Variants in PCDHGA12 observed in about 807,000 individuals in gnomAD.
The protein encoded by PCDHGA12 is protocadherin gamma-A12.
In PCDHGA12, 43 loss-of-function variants were observed where a neutral mutation model predicts 61.1. That is an observed-to-expected ratio of 0.70 (90% CI 0.55 to 0.91). The LOEUF is 0.91. PCDHGA12 is among the 40% of genes least tolerant of loss of function. The probability of loss-of-function intolerance (pLI) is 0.00; values close to 1 mark genes in which losing one functional copy is unlikely to be tolerated. For missense variants in PCDHGA12, 1,236 were observed against 1,227.7 expected (o/e 1.01, Z -0.10); for synonymous variants, 520 against 542.9 (o/e 0.96, Z 0.59).
chr5:141,444,551 G>A (rs758187608), intron 1 of PCDHGA12, among the ~76,000 whole-genome samples: 1 of 152,022 alleles, frequency 6.6e-6, no homozygotes, highest in Non-Finnish European at 1.5e-5. Context: ...TGAGCAAAAG[G>A]CACTTATTTG....
In PCDHGA12 at chr5:141,476,966, G is replaced by C. The variant is rs780645226; in HGVS notation, c.2425-17841G>C. The C allele has an allele frequency of 1.2e-6, 2 of 1,614,152 alleles. No homozygotes were observed. Among genetic ancestry groups the C allele is most frequent in the Non-Finnish European group, 1.7e-6 (2 of 1,180,032 alleles). On this transcript the variant is annotated intron_variant, in intron 1 of 3. Coordinates refer to ENST00000252085, the MANE Select transcript of PCDHGA12 (RefSeq NM_003735.3). This position sits in a 1 kb window ranked among gnomAD's most constrained non-coding sequence, Gnocchi z 7.6. ...CAACGGTGAAATTATTTACTCCTTCGGCAGCCACAACCGCGCCGGCGTGCG... is the reference window on the plus strand; with the variant it reads ...CAACGGTGAAATTATTTACTCCTTCCGCAGCCACAACCGCGCCGGCGTGCG...
rs2099699514 is a variant in PCDHGA12 at position 141,490,385 on chromosome 5, A to G, written c.2425-4422A>G. 1 of 1,614,190 alleles carries G rather than the reference A, an allele frequency of 6.2e-7. No individual in the cohort carries two copies. Among genetic ancestry groups the G allele is most frequent in the African/African-American group, 1.3e-5 (1 of 75,032 alleles). ...GTGCGAGACCGGGACTCAGGTAGAA[A>G]TGGTGAAGTGAGCCTTGATATCTCT... On this transcript the variant is annotated intron_variant, in intron 1 of 3. Coordinates refer to ENST00000252085, the MANE Select transcript of PCDHGA12 (RefSeq NM_003735.3). This position sits in a 1 kb window ranked among gnomAD's most constrained non-coding sequence, Gnocchi z 5.4.
At chr5:141,509,335 G>T (rs113423267) in intron 3 of PCDHGA12, among the ~76,000 whole-genome samples, 106 of 152,262 alleles carry the variant, frequency 7.0e-4, no homozygotes, top group African/African-American at 2.4e-3. Context: ...CTGCCAGCTG[G>T]GCCTGGGCTG....
intron 1 of PCDHGA12, among the ~76,000 whole-genome samples, chr5:141,484,281 C>T (rs969039536): frequency 6.6e-6 from 1 of 152,202 alleles, no homozygotes; most frequent in Admixed American, 6.5e-5. Context: ...TGTTTTGAAA[C>T]ATCTCCCTCT....
intron 1 of PCDHGA12, among the ~76,000 whole-genome samples, chr5:141,474,082 C>CA (rs1449032579): frequency 1.3e-5 from 2 of 152,064 alleles, no homozygotes; most frequent in African/African-American, 4.8e-5. Context: ...AAACAAAAAC[C>CA]AAAAAACAAA....
At chr5:141,478,090 C>T in intron 1 of PCDHGA12, 2 of 1,614,108 alleles carry the variant, frequency 1.2e-6, no homozygotes, top group Non-Finnish European at 1.7e-6. Flanking sequence ...CGCTCTCCAC[C>T]ACTGCTACCC....
chr5:141,432,665 G>A lies in PCDHGA12; in HGVS notation c.1906G>A (p.Asp636Asn). 1 of 1,613,896 alleles carries A rather than the reference G, an allele frequency of 6.2e-7. No individual in the cohort carries two copies. Among genetic ancestry groups the A allele is most frequent in the Non-Finnish European group, 8.5e-7 (1 of 1,179,956 alleles). The change falls in exon 1 of 4, where the codon GAC becomes AAC. Residue 636 changes from aspartate (D) to asparagine (N), a missense_variant. Asp to Asn is a conservative substitution (Grantham distance 23, BLOSUM62 1). Coordinates refer to ENST00000252085, the MANE Select transcript of PCDHGA12 (RefSeq NM_003735.3). The surrounding 1 kb of genome is among the most constrained non-coding windows in gnomAD (Gnocchi z 6.0). ...CACGGCGCGAGCCCTGCTGGACAGA[G>A]ACGCGCTCAAGCAGAGCCTCGTAGT... is the stretch of plus-strand genomic sequence containing the variant. Reference protein sequence around the residue: ...VRTARALLDRDALKQSLVVAV... With the variant: ...VRTARALLDRNALKQSLVVAV...
chr5:141,460,556 T>C (rs762545295), intron 1 of PCDHGA12, among the ~76,000 whole-genome samples: 10 of 152,152 alleles, frequency 6.6e-5, no homozygotes, highest in Admixed American at 3.3e-4. Context: ...CAAAAATCAT[T>C]TGGCCATGGA....
chr5:141,440,578 C>T (rs2098188646), intron 1 of PCDHGA12: 1 of 152,138 alleles, frequency 6.6e-6, no homozygotes, highest in Non-Finnish European at 1.5e-5. Flanking sequence ...CTGAGTTTAC[C>T]CAGCTGGAAC....
intron 1 of PCDHGA12, among the ~76,000 whole-genome samples, chr5:141,457,873 G>C (rs967389295): frequency 2.0e-5 from 3 of 152,200 alleles, no homozygotes; most frequent in Non-Finnish European, 4.4e-5. Context: ...CCACAGGTTA[G>C]GAACCCTGTG....
At chr5:141,494,940 AG>A (rs888721888) in intron 2 of PCDHGA12, 75 bp downstream of exon 2, 1 of 1,610,860 alleles carries the variant, frequency 6.2e-7, no homozygotes, top group Non-Finnish European at 8.5e-7. Flanking sequence ...GAGATGGGGG[AG>A]GGCCCAGCAT....
At chr5:141,498,830 G>T (rs2099786149) in intron 2 of PCDHGA12, among the ~76,000 whole-genome samples, 1 of 152,080 alleles carries the variant, frequency 6.6e-6, no homozygotes, top group Non-Finnish European at 1.5e-5. Context: ...CTACTCAGGA[G>T]GCTGAGGCAG....
rs754462129 is a variant in PCDHGA12, at chr5:141,490,693, G to T, written c.2425-4114G>T. 6.2e-7 allele frequency: 1 copy of T among 1,614,170 alleles called. No homozygotes were observed. Among genetic ancestry groups the T allele is most frequent in the South Asian group, 1.1e-5 (1 of 91,072 alleles). On this transcript the variant is annotated intron_variant, in intron 1 of 3. Transcript: ENST00000252085. This position sits in a 1 kb window ranked among gnomAD's most constrained non-coding sequence, Gnocchi z 5.4. Reference sequence around the variant, plus strand: ...GGCTGCCTCAGATCCAGACACTGGGGATAATGCCCGCCTCACCTACTCCAT... The same window carrying T: ...GGCTGCCTCAGATCCAGACACTGGGTATAATGCCCGCCTCACCTACTCCAT...
chr5:141,510,853 CTGT>C, intron 3 of PCDHGA12, 91 bp from the exon 4 acceptor site: 3 of 1,601,238 alleles, frequency 1.9e-6, no homozygotes, highest in Middle Eastern at 1.7e-4. Context: ...GCCCAGGGTG[CTGT>C]ATAGGCATTC....
At position 141,431,110 on chromosome 5, in the gene PCDHGA12, T is replaced by G; in HGVS notation, c.351T>G (p.Tyr117Ter). 1.2e-6 allele frequency: 2 copies of G among 1,614,168 alleles called. No individual in the cohort carries two copies. The highest frequency in any genetic ancestry group is 1.7e-6 in the Non-Finnish European group (2 of 1,180,012). Residue 117 changes from tyrosine (Y) to a stop codon, truncating the protein, a stop_gained, in exon 1 of 4, where the codon TAT becomes TAG. Transcript: ENST00000252085. LOFTEE classifies it high-confidence loss of function. This position sits in a 1 kb window ranked among gnomAD's most constrained non-coding sequence, Gnocchi z 4.8. Reference protein sequence around the residue: ...DILMEDKVKIYGVEVEVRDIN... With the variant: ...DILMEDKVKI Reference sequence around the variant, plus strand: ...TGATGGAGGATAAAGTGAAAATATATGGAGTAGAAGTAGAAGTAAGGGACA... The same window carrying G: ...TGATGGAGGATAAAGTGAAAATATAGGGAGTAGAAGTAGAAGTAAGGGACA...
intron 2 of PCDHGA12, among the ~76,000 whole-genome samples, chr5:141,500,739 C>T (rs1199462920): frequency 6.6e-6 from 1 of 152,114 alleles, no homozygotes; most frequent in Non-Finnish European, 1.5e-5. Context: ...CAAAATTCTT[C>T]CCAAGTCATT....
intron 1 of PCDHGA12, among the ~76,000 whole-genome samples, chr5:141,457,440 A>G (rs188608086): frequency 3.9e-5 from 6 of 152,334 alleles, no homozygotes; most frequent in Non-Finnish European, 8.8e-5. Flanking sequence ...ACCAAGCTGC[A>G]GAAGATCACC....
At position 141,432,370 on chromosome 5, in the gene PCDHGA12, C is replaced by A. The variant is rs1362496624; in HGVS notation, c.1611C>A (p.Asn537Lys). Residue 537 changes from asparagine (N) to lysine (K), a missense_variant, in exon 1 of 4, where the codon AAC becomes AAA. By Grantham distance (94) the Asn-to-Lys change is moderately conservative. Transcript: ENST00000252085. The surrounding 1 kb of genome is among the most constrained non-coding windows in gnomAD (Gnocchi z 6.0). Reference sequence around the variant, plus strand: ...AAGTGAAAGTGATGGCGCGGGACAACGGGCACCCGCCCCTCAGCAGCAACG... The same window carrying A: ...AAGTGAAAGTGATGGCGCGGGACAAAGGGCACCCGCCCCTCAGCAGCAACG... ...DLQVKVMARD[N>K]GHPPLSSNVS... The A allele has an allele frequency of 6.2e-7, 1 of 1,614,240 alleles. No homozygotes were observed. The highest frequency in any genetic ancestry group is 8.5e-7 in the Non-Finnish European group (1 of 1,180,048).
intron 2 of PCDHGA12, among the ~76,000 whole-genome samples, chr5:141,502,337 T>C (rs1562205634): frequency 6.6e-6 from 1 of 152,184 alleles, no homozygotes; most frequent in Admixed American, 6.5e-5. Flanking sequence ...CCCAGTCTTT[T>C]TATTTTTTTA....
Sources: allele counts gnomAD v4.1 joint callset (sites outside exome capture counted in the v4.1 genomes callset), GRCh38; gene constraint gnomAD v4.1.1; non-coding constraint Gnocchi (gnomAD v3.1); transcripts MANE v1.5; gene names NCBI Gene and HGNC (gene_info 2026-07-23, HGNC 2026-07-21).